Variants in TSPAN11 observed in about 807,000 individuals in gnomAD.
The protein encoded by TSPAN11 is tetraspanin-11.
Under a neutral mutation model 32.9 loss-of-function variants are expected in TSPAN11, and 29 were observed. The ratio of observed to expected loss-of-function variants is 0.88; its 90% CI spans 0.66 to 1.20. The LOEUF (loss-of-function observed/expected upper bound fraction) is 1.20, where lower values mean the gene tolerates loss of function less well. TSPAN11 is among the 50% of genes most tolerant of loss of function. The pLI is 0.00. For missense variants in TSPAN11, 283 were observed against 329.1 expected (o/e 0.86, Z 1.08); for synonymous variants, 140 against 141.3 (o/e 0.99, Z 0.07).
In TSPAN11 at chr12:30,975,481, C is replaced by G. The variant is rs899200389; in HGVS notation, c.277-3080C>G. On this transcript the variant is annotated intron_variant, in intron 3 of 7. Transcript: ENST00000546076. This position sits in a 1 kb window ranked among gnomAD's most constrained non-coding sequence, Gnocchi z 4.5. ...ACACTGGAGCTCGAGAAGGCTATCC[C>G]CACACACCACCGCCACTGCCAAGCT... Among the ~76,000 whole-genome samples the G allele has an allele frequency of 6.6e-6, 1 of 152,112 alleles. No homozygotes were observed. Among genetic ancestry groups the G allele is most frequent in the African/African-American group, 2.4e-5 (1 of 41,420 alleles).
rs144773884 is a variant in TSPAN11, at chr12:30,949,013, C to T, written c.-11-4968C>T. On this transcript the variant is annotated intron_variant, in intron 1 of 7. Transcript: ENST00000546076. ...CAAGGTTTCACAAATCTCTAGGGCA[C>T]GGACAAAATGCTGGCAGTCTCTTTG... Among the ~76,000 whole-genome samples the T allele has an allele frequency of 1.7e-3, 254 of 152,312 alleles. No individual in the cohort carries two copies. In the Middle Eastern group the frequency reaches 0.017, roughly 10 times the overall value.
At chr12:30,990,361 C>T (rs1251341746) in intron 7 of TSPAN11, among the ~76,000 whole-genome samples, 1 of 152,160 alleles carries the variant, frequency 6.6e-6, no homozygotes, top group Non-Finnish European at 1.5e-5. Context: ...AAACCTGTGC[C>T]GGTCAAACAG....
At chr12:30,939,477 G>A (rs1183762222) in intron 1 of TSPAN11, among the ~76,000 whole-genome samples, 4 of 152,160 alleles carry the variant, frequency 2.6e-5, no homozygotes, top group African/African-American at 4.8e-5. Context: ...ACAGGATGAC[G>A]CGCCTTCCTC....
chr12:31,009,502 C>A, the TSPAN11 span, among the ~76,000 whole-genome samples: 1 of 152,148 alleles, frequency 6.6e-6, no homozygotes, highest in Non-Finnish European at 1.5e-5. Context: ...GAATCTCGTT[C>A]ATAAACAGCC....
intron 3 of TSPAN11, among the ~76,000 whole-genome samples, chr12:30,977,291 G>C (rs546781339): frequency 6.7e-6 from 1 of 149,774 alleles, no homozygotes; most frequent in East Asian, 2.0e-4. Context: ...CACCGCCCCC[G>C]CTCCGCCGCC....
chr12:31,009,801 G>A, the TSPAN11 span, among the ~76,000 whole-genome samples: 1 of 152,116 alleles, frequency 6.6e-6, no homozygotes, highest in East Asian at 1.9e-4. Flanking sequence ...TGCTGCTAAC[G>A]GGCCGCGTCA....
chr12:30,954,813 A>G (rs1938448837), intron 2 of TSPAN11: 1 of 152,208 alleles, frequency 6.6e-6, no homozygotes, highest in East Asian at 1.9e-4. Context: ...ACTTCAAGGA[A>G]TCTGCTTCCC....
chr12:30,927,149 C>A, intron 1 of TSPAN11: 1 of 698,540 alleles, frequency 1.4e-6, no homozygotes, highest in Non-Finnish European at 2.1e-6. Context: ...GTCTGTTCCT[C>A]TTGAAAATGT....
intron 1 of TSPAN11, among the ~76,000 whole-genome samples, chr12:30,947,444 A>G (rs1440982407): frequency 2.6e-5 from 4 of 152,150 alleles, no homozygotes; most frequent in African/African-American, 9.7e-5. Context: ...TGATAATGAC[A>G]TACCTGAGAC....
chr12:30,931,496 G>T (rs1287655493), intron 1 of TSPAN11, among the ~76,000 whole-genome samples: 1 of 69,768 alleles, frequency 1.4e-5, no homozygotes, highest in African/African-American at 7.6e-5. Flanking sequence ...CTTGAAATGC[G>T]GTAGAGATTT....
chr12:30,976,702 C>T (rs1938980353), intron 3 of TSPAN11, among the ~76,000 whole-genome samples: 1 of 152,190 alleles, frequency 6.6e-6, no homozygotes, highest in Admixed American at 6.5e-5. Flanking sequence ...ACTTCCTGAC[C>T]TCCTCCCAGG....
Position 30,978,489 on chromosome 12 carries a change from C to T in TSPAN11, c.277-72C>T, listed in dbSNP as rs539948157. 36 of 1,491,850 alleles carry T rather than the reference C, an allele frequency of 2.4e-5. 1 individual carries two copies. In the South Asian group the frequency reaches 4.0e-4, roughly 17 times the overall value. 92.4% of individuals were successfully genotyped at this position (1,491,850 alleles called of 1,614,324 possible). ...CCAGCAGGTATCTCTACCACCCCCA[C>T]CACTGTGGGGAAACATTTGTCATAG... On this transcript the variant is annotated intron_variant, in intron 3 of 7. Coordinates refer to ENST00000546076, the MANE Select transcript of TSPAN11 (RefSeq NM_001370302.1).
intron 7 of TSPAN11, among the ~76,000 whole-genome samples, chr12:30,989,227 T>G (rs1246967415): frequency 6.6e-6 from 1 of 152,108 alleles, no homozygotes; most frequent in Non-Finnish European, 1.5e-5. Context: ...CAGGAGTCCT[T>G]GGGTTTAAGA....
the TSPAN11 span, among the ~76,000 whole-genome samples, chr12:31,003,830 T>C: frequency 2.0e-5 from 3 of 152,184 alleles, no homozygotes; most frequent in Admixed American, 6.5e-5. Flanking sequence ...CCATGGCTCC[T>C]GTCTCAGAGA....
intron 2 of TSPAN11, among the ~76,000 whole-genome samples, chr12:30,957,814 TC>T (rs1938526564): frequency 2.5e-5 from 1 of 39,554 alleles, no homozygotes; most frequent in African/African-American, 1.2e-4. Flanking sequence ...CTTCCTTCCT[TC>T]CCTCCTTCCC....
In TSPAN11 at chr12:30,982,587, T is replaced by C. The variant is rs762654200; in HGVS notation, c.512T>C (p.Leu171Pro). The change falls in exon 6 of 8, where the codon CTG (leucine) becomes CCG (proline). Residue 171 changes from leucine to proline, a missense_variant. Physicochemically the swap from Leu to Pro is moderately conservative, Grantham distance 98 (BLOSUM62 -3). Transcript: ENST00000546076. ...SADWQHSTYI[L>P]LREAEGRQVP... is the part of the protein sequence containing the mutation. ...GACTGGCAGCACAGCACGTACATCC[T>C]GTTGCGGGAGGCCGAGGGCCGCCAG... 2 of 1,613,082 alleles carry C rather than the reference T, an allele frequency of 1.2e-6. No individual in the cohort carries two copies. Among genetic ancestry groups the C allele is most frequent in the Non-Finnish European group, 1.7e-6 (2 of 1,179,800 alleles).
chr12:30,952,774 G>A (rs1334533002), intron 1 of TSPAN11, among the ~76,000 whole-genome samples: 1 of 152,186 alleles, frequency 6.6e-6, no homozygotes, highest in Non-Finnish European at 1.5e-5. Context: ...CAGCAGCCAT[G>A]GTCCATTATA....
chr12:30,952,461 G>A (rs1327275922), intron 1 of TSPAN11, among the ~76,000 whole-genome samples: 1 of 152,184 alleles, frequency 6.6e-6, no homozygotes, highest in African/African-American at 2.4e-5. Flanking sequence ...TGAGTTTTGT[G>A]TTTTCTTAAC....
intron 1 of TSPAN11, among the ~76,000 whole-genome samples, chr12:30,941,839 T>C (rs1938171438): frequency 6.6e-6 from 1 of 152,274 alleles, no homozygotes; most frequent in African/African-American, 2.4e-5. Context: ...TGCTGCGCCT[T>C]GCTTCCATCT....
Sources: allele counts gnomAD v4.1 joint callset (sites outside exome capture counted in the v4.1 genomes callset), GRCh38; gene constraint gnomAD v4.1.1; non-coding constraint Gnocchi (gnomAD v3.1); transcripts MANE v1.5; gene names NCBI Gene and HGNC (gene_info 2026-07-23, HGNC 2026-07-21).